The following CACNA1D variants were observed in gnomAD, a reference collection of about 807,000 sequenced individuals.
The protein encoded by CACNA1D is voltage-dependent L-type calcium channel subunit alpha-1D.
CACNA1D carries 55 observed loss-of-function variants against 257.1 expected under a neutral mutation model. The ratio of observed to expected loss-of-function variants is 0.21; its 90% CI spans 0.17 to 0.27. The LOEUF is 0.27. Among genes scored for constraint, CACNA1D ranks in the 10% least tolerant of loss-of-function variants. The pLI is 1.00. For synonymous variants in CACNA1D, 980 were observed against 1,014.9 expected, an observed-to-expected ratio of 0.97 and a Z score of 0.65; for missense variants, 1,876 against 2,784.0, an observed-to-expected ratio of 0.67 and a Z score of 7.34.
chr3:53,605,244 G>A (rs941043082), intron 3 of CACNA1D, among the ~76,000 whole-genome samples: 3 of 152,210 alleles, frequency 2.0e-5, no homozygotes, highest in Non-Finnish European at 4.4e-5. Flanking sequence ...TGAGACCACC[G>A]TGGAGGGCTC....
At chr3:53,577,222 A>G (rs559007959) in intron 3 of CACNA1D, among the ~76,000 whole-genome samples, 6 of 152,300 alleles carry the variant, frequency 3.9e-5, no homozygotes, top group African/African-American at 1.4e-4. Context: ...TTCTCATAAA[A>G]TTGGACTCAC....
chr3:53,561,712 C>T (rs1176750940), intron 3 of CACNA1D, among the ~76,000 whole-genome samples: 1 of 152,178 alleles, frequency 6.6e-6, no homozygotes, highest in Non-Finnish European at 1.5e-5. Flanking sequence ...ATTATTGCCA[C>T]TTTCTTTGAA....
At chr3:53,626,543 C>T (rs1174389248) in intron 3 of CACNA1D, among the ~76,000 whole-genome samples, 1 of 151,906 alleles carries the variant, frequency 6.6e-6, no homozygotes, top group African/African-American at 2.4e-5. Context: ...CTAACCTGAG[C>T]CGAGGCCCTG....
At chr3:53,782,108 C>T (rs962183565) in intron 39 of CACNA1D, among the ~76,000 whole-genome samples, 2 of 151,762 alleles carry the variant, frequency 1.3e-5, no homozygotes, top group Admixed American at 6.6e-5. Flanking sequence ...ACTGAATTTA[C>T]TACCGTAATT....
intron 3 of CACNA1D, among the ~76,000 whole-genome samples, chr3:53,559,520 G>T (rs1007025737): frequency 4.6e-5 from 7 of 152,158 alleles, no homozygotes. Flanking sequence ...TCTGGGCTAT[G>T]TTTCTGACTT....
chr3:53,799,648 G>A (rs1401407435), intron 40 of CACNA1D, among the ~76,000 whole-genome samples: 1 of 152,230 alleles, frequency 6.6e-6, no homozygotes, highest in East Asian at 1.9e-4. Context: ...CGGTGGCCGG[G>A]TCGGTGTGCG....
chr3:53,520,526 G>T (rs9837395), intron 3 of CACNA1D, among the ~76,000 whole-genome samples: 3,475 of 152,320 alleles, frequency 0.023, 136 homozygotes, highest in African/African-American at 0.079. Context: ...AGCACTTTGG[G>T]AGGCCAAGGC....
chr3:53,663,608 C>CT (rs1371487472), intron 5 of CACNA1D, among the ~76,000 whole-genome samples: 1 of 152,148 alleles, frequency 6.6e-6, no homozygotes, highest in Non-Finnish European at 1.5e-5. Context: ...TACCCACACT[C>CT]TGGCACTGAG....
chr3:53,605,183 C>T (rs1014413086), intron 3 of CACNA1D, among the ~76,000 whole-genome samples: 2 of 152,098 alleles, frequency 1.3e-5, no homozygotes, highest in East Asian at 1.9e-4. Context: ...AGGTGAGAAC[C>T]GCGACTGTGG....
At chr3:53,732,243 C>T (rs1037008744) in intron 18 of CACNA1D, among the ~76,000 whole-genome samples, 161 bp downstream of exon 18, 1 of 152,244 alleles carries the variant, frequency 6.6e-6, no homozygotes, top group Non-Finnish European at 1.5e-5. Flanking sequence ...TTCCCATGGT[C>T]ACAGGCAGAA....
chr3:53,749,666 CTTTGTAATTATGAA>C (rs1481250853), intron 27 of CACNA1D, among the ~76,000 whole-genome samples, 197 bp downstream of exon 27: 3 of 152,204 alleles, frequency 2.0e-5, no homozygotes, highest in Non-Finnish European at 4.4e-5. Flanking sequence ...ACATATGAGA[CTTTGTAATTATGAA>C]ATCCATCGCC....
chr3:53,624,274 A>G (rs1480222784), intron 3 of CACNA1D, among the ~76,000 whole-genome samples: 1 of 152,260 alleles, frequency 6.6e-6, no homozygotes, highest in East Asian at 1.9e-4. Context: ...AGTCAGAGCA[A>G]CATTGTTTTC....
intron 3 of CACNA1D, among the ~76,000 whole-genome samples, chr3:53,546,166 G>T (rs572465591): frequency 6.6e-6 from 1 of 152,342 alleles, no homozygotes; most frequent in Non-Finnish European, 1.5e-5. Flanking sequence ...GAGGGCTGTG[G>T]CTGTGGCCGT....
intron 3 of CACNA1D, among the ~76,000 whole-genome samples, chr3:53,624,153 C>A (rs1025286237): frequency 6.6e-6 from 1 of 152,094 alleles, no homozygotes; most frequent in African/African-American, 2.4e-5. Context: ...CAATATCAGG[C>A]GAGCCTTTGA....
At chr3:53,500,253 T>TAAAAAAAAAAA (rs55823212) in intron 2 of CACNA1D, among the ~76,000 whole-genome samples, 5 of 40,950 alleles carry the variant, frequency 1.2e-4, no homozygotes, top group African/African-American at 4.9e-4. Context: ...CTGTCTCTAC[T>TAAAAAAAAAAA]AAAAAAAAAA....
At chr3:53,534,325 C>T (rs2092046684) in intron 3 of CACNA1D, among the ~76,000 whole-genome samples, 1 of 152,210 alleles carries the variant, frequency 6.6e-6, no homozygotes. Flanking sequence ...AAATTGCTGG[C>T]TTAAGCTTTA....
intron 40 of CACNA1D, among the ~76,000 whole-genome samples, chr3:53,794,997 C>T (rs2106695065): frequency 6.6e-6 from 1 of 152,302 alleles, no homozygotes; most frequent in Middle Eastern, 3.4e-3. Context: ...GTGGCACTGC[C>T]CTAACTGGAG....
chr3:53,735,849 C>A (rs2108789355), intron 20 of CACNA1D, among the ~76,000 whole-genome samples: 1 of 152,332 alleles, frequency 6.6e-6, no homozygotes, highest in Admixed American at 6.5e-5. Flanking sequence ...TTTTGAGATT[C>A]ATGCCTCGTG....
At position 53,805,112 on chromosome 3, in the gene CACNA1D, T is replaced by C; in HGVS notation, c.5715T>C (p.Ser1905=). 1 of 1,614,086 alleles carries C rather than the reference T, an allele frequency of 6.2e-7. No individual in the cohort carries two copies. The highest frequency in any genetic ancestry group is 8.5e-7 in the Non-Finnish European group (1 of 1,180,028). ...DSPVCYDSRR[S]PRRRLLPPTP... ...CCGTTTGCTATGATTCACGGAGATC[T>C]CCAAGGAGACGCCTACTACCTCCCA... is the stretch of plus-strand genomic sequence containing the variant. Residue 1905 remains serine, a synonymous_variant, in exon 45 of 48, where the codon TCT becomes TCC. Coordinates refer to ENST00000350061, the MANE Select transcript of CACNA1D (RefSeq NM_001128840.3).
Sources: allele counts gnomAD v4.1 joint callset (sites outside exome capture counted in the v4.1 genomes callset), GRCh38; gene constraint gnomAD v4.1.1; transcripts MANE v1.5; gene names NCBI Gene and HGNC (gene_info 2026-07-23, HGNC 2026-07-21).